Variants in DAB1 observed in about 807,000 individuals in gnomAD.
The protein encoded by DAB1 is disabled homolog 1.
Under a neutral mutation model 64.6 loss-of-function variants are expected in DAB1, and 15 were observed. That is an observed-to-expected ratio of 0.23 (90% CI 0.16 to 0.36). The LOEUF (loss-of-function observed/expected upper bound fraction) is 0.36. Ranked by LOEUF, DAB1 falls within the 10% of genes least tolerant of loss-of-function variation. DAB1 has a pLI of 1.00. For synonymous variants in DAB1, 235 were observed against 251.9 expected (o/e 0.93, Z 0.64); for missense variants, 596 against 706.7 (o/e 0.84, Z 1.78).
intron 7 of DAB1, among the ~76,000 whole-genome samples, chr1:57,488,608 G>A (rs898640708): frequency 6.6e-6 from 1 of 151,752 alleles, no homozygotes; most frequent in Non-Finnish European, 1.5e-5. Flanking sequence ...TCTGGGAGGT[G>A]GAGGTTGCGG....
intron 7 of DAB1, among the ~76,000 whole-genome samples, chr1:57,497,076 A>C (rs1207492746): frequency 6.6e-6 from 1 of 152,130 alleles, no homozygotes; most frequent in Non-Finnish European, 1.5e-5. Context: ...GATTCTTTCC[A>C]TATCAGCTTT....
chr1:57,021,548 T>C (rs1646621859), intron 11 of DAB1, among the ~76,000 whole-genome samples: 1 of 152,196 alleles, frequency 6.6e-6, no homozygotes, highest in African/African-American at 2.4e-5. Flanking sequence ...TCTGCCACCA[T>C]GTAAGACATT....
At chr1:57,337,301 C>G (rs12743986) in intron 1 of DAB1, among the ~76,000 whole-genome samples, 3,163 of 152,300 alleles carry the variant, frequency 0.021, 39 homozygotes, top group South Asian at 0.036. Flanking sequence ...CCCACCTTAT[C>G]CCCTTTATTT....
chr1:57,304,713 G>C (rs948153766), intron 1 of DAB1, among the ~76,000 whole-genome samples: 3 of 152,016 alleles, frequency 2.0e-5, no homozygotes, highest in Non-Finnish European at 4.4e-5. Flanking sequence ...TATTTCATTT[G>C]CATATACTTC....
chr1:57,600,088 G>A (rs1219128307), intron 7 of DAB1, among the ~76,000 whole-genome samples: 1 of 152,020 alleles, frequency 6.6e-6, no homozygotes, highest in Non-Finnish European at 1.5e-5. Context: ...CCATCACCAG[G>A]CCATGTCTCT....
chr1:57,352,882 G>A (rs958553109), intron 1 of DAB1, among the ~76,000 whole-genome samples: 3 of 151,944 alleles, frequency 2.0e-5, no homozygotes, highest in Non-Finnish European at 4.4e-5. Flanking sequence ...ATGAAGGCCT[G>A]AACAGAACAA....
At chr1:57,910,468 C>T (rs1475920433) in intron 5 of DAB1, among the ~76,000 whole-genome samples, 1 of 152,198 alleles carries the variant, frequency 6.6e-6, no homozygotes, top group Non-Finnish European at 1.5e-5. Context: ...CAAGCACATA[C>T]TTTCTTTTCT....
At chr1:57,617,974 C>G (rs1645808636) in intron 7 of DAB1, among the ~76,000 whole-genome samples, 2 of 152,104 alleles carry the variant, frequency 1.3e-5, no homozygotes, top group Admixed American at 6.5e-5. Flanking sequence ...AAATAAGGGA[C>G]TATGAGTGTG....
At chr1:58,225,714 A>G (rs1036567845) in intron 4 of DAB1, among the ~76,000 whole-genome samples, 1 of 151,436 alleles carries the variant, frequency 6.6e-6, no homozygotes, top group East Asian at 2.0e-4. Flanking sequence ...TCGCAAGGAC[A>G]AAAAACCAAA....
chr1:57,473,816 G>A (rs1406447786), intron 7 of DAB1, among the ~76,000 whole-genome samples: 1 of 152,062 alleles, frequency 6.6e-6, no homozygotes, highest in East Asian at 1.9e-4. Flanking sequence ...TCTTCATTCT[G>A]TAACACTTCC....
At chr1:57,216,789 A>G (rs1418849431) in intron 2 of DAB1, among the ~76,000 whole-genome samples, 1 of 152,208 alleles carries the variant, frequency 6.6e-6, no homozygotes, top group Non-Finnish European at 1.5e-5. Flanking sequence ...TCATTTTTAC[A>G]GACAACAGAA....
intron 2 of DAB1, among the ~76,000 whole-genome samples, chr1:57,146,152 C>G (rs191100420): frequency 6.6e-6 from 1 of 152,320 alleles, no homozygotes; most frequent in South Asian, 2.1e-4. Context: ...CTGAACTGAG[C>G]AAGCGCTTCA....
chr1:58,464,679 A>G (rs1645277114), intron 3 of DAB1, among the ~76,000 whole-genome samples: 1 of 152,222 alleles, frequency 6.6e-6, no homozygotes, highest in Non-Finnish European at 1.5e-5. Context: ...AATTAAAGGA[A>G]GTAATATATC....
At chr1:57,617,348 G>A (rs1044316358) in intron 7 of DAB1, among the ~76,000 whole-genome samples, 1 of 152,006 alleles carries the variant, frequency 6.6e-6, no homozygotes, top group African/African-American at 2.4e-5. Context: ...CCCCAGCTGA[G>A]ACCACATCCT....
intron 9 of DAB1, among the ~76,000 whole-genome samples, chr1:57,045,581 C>T (rs1460850505): frequency 1.3e-5 from 2 of 152,024 alleles, no homozygotes; most frequent in East Asian, 3.9e-4. Context: ...GTCTGTAATC[C>T]CAGCTACTTG....
Position 58,474,362 on chromosome 1 carries a change from A to G in DAB1, n.257+31698T>C, listed in dbSNP as rs544154538. Among the ~76,000 whole-genome samples the G allele has an allele frequency of 3.3e-5, 5 of 152,326 alleles. No homozygotes were observed. The South Asian group carries it at 1.0e-3, about 32-fold the overall frequency. Reference sequence around the variant, plus strand: ...GTTTCCTAAACTATAGGTTTGTGCAAAAGTAATTGCCTTTTAAAATTTGCC... The same window carrying G: ...GTTTCCTAAACTATAGGTTTGTGCAGAAGTAATTGCCTTTTAAAATTTGCC... On this transcript the variant is annotated intron_variant and non_coding_transcript_variant, in intron 3 of 20. Transcript: ENST00000485760.
chr1:58,446,051 G>A (rs111443785), intron 3 of DAB1, among the ~76,000 whole-genome samples: 1,960 of 152,200 alleles, frequency 0.013, 40 homozygotes, highest in African/African-American at 0.044. Context: ...CCCCGGTCCC[G>A]GACAACCAGC....
intron 1 of DAB1, among the ~76,000 whole-genome samples, chr1:57,328,684 A>G (rs139117772): frequency 2.0e-3 from 308 of 152,310 alleles, no homozygotes; most frequent in African/African-American, 7.1e-3. Flanking sequence ...CCATGATTCA[A>G]TTCTAGGTCT....
chr1:57,297,229 C>T (rs1233132840), intron 1 of DAB1, among the ~76,000 whole-genome samples: 1 of 152,052 alleles, frequency 6.6e-6, no homozygotes, highest in East Asian at 1.9e-4. Context: ...CAATTAAATG[C>T]CATATCTATA....
Sources: gnomAD v4.1 joint callset for allele counts (sites outside exome capture counted in the v4.1 genomes callset) on GRCh38, gnomAD v4.1.1 for gene constraint, MANE v1.5 for transcripts, NCBI Gene and HGNC (gene_info 2026-07-23, HGNC 2026-07-21) for gene names.